The following DSTN variants were observed in gnomAD, a reference collection of about 807,000 sequenced individuals.
DSTN encodes the protein destrin.
Under a neutral mutation model 16.8 loss-of-function variants are expected in DSTN, and 10 were observed. The observed-to-expected ratio is 0.60, with a 90% CI of 0.37 to 1.01. The LOEUF (loss-of-function observed/expected upper bound fraction) is 1.01, where lower values mean the gene tolerates loss of function less well. Among genes scored for constraint, DSTN ranks in the 50% least tolerant of loss-of-function variants. DSTN has a pLI of 0.01. For synonymous variants in DSTN, 57 were observed against 58.9 expected (o/e 0.97, Z 0.14); for missense variants, 141 against 196.7 (o/e 0.72, Z 1.69).
rs569966291 is a variant in DSTN, at chr20:17,574,010, G to A, written c.3+3799G>A. On this transcript the variant is annotated intron_variant, in intron 1 of 3. Transcript: ENST00000246069. Reference sequence around the variant, plus strand: ...AAGCCAGGAGTTGGAGACCAGCCTGGACAATATAGTGAGACCTTGTCTGAA... The same window carrying A: ...AAGCCAGGAGTTGGAGACCAGCCTGAACAATATAGTGAGACCTTGTCTGAA... 4.6e-5 allele frequency among the ~76,000 whole-genome samples: 7 copies of A among 151,974 alleles called. 1 individual carries two copies. The South Asian group carries it at 1.5e-3, about 32-fold the overall frequency.
intron 1 of DSTN, among the ~76,000 whole-genome samples, chr20:17,570,716 C>T (rs1407041513): frequency 1.3e-5 from 2 of 152,204 alleles, no homozygotes; most frequent in African/African-American, 4.8e-5. Context: ...GAAGATAAAG[C>T]CTTTATGGAA....
rs1161453432 is a variant in DSTN, at chr20:17,600,825, A to G, written c.91A>G (p.Lys31Glu). The change falls in exon 2 of 4, where the codon AAA becomes GAA. Residue 31 changes from lysine to glutamate, a missense_variant. Transcript: ENST00000246069. ...ATGCTCCACACCAGAAGAAATCAAG[A>G]AAAGAAAGAAGGCTGTCATTTTTTG... ...RKCSTPEEIK[K>E]RKKAVIFCLS... is the part of the protein sequence containing the mutation. 6.2e-7 allele frequency: 1 copy of G among 1,613,744 alleles called. No homozygotes were observed. Among genetic ancestry groups the G allele is most frequent in the African/African-American group, 1.3e-5 (1 of 74,904 alleles).
chr20:17,577,985 A>G (rs1312860024), intron 1 of DSTN, among the ~76,000 whole-genome samples: 1 of 152,250 alleles, frequency 6.6e-6, no homozygotes, highest in African/African-American at 2.4e-5. Context: ...CAGTCACACT[A>G]GCCACATTTA....
intron 1 of DSTN, chr20:17,596,709 A>G: frequency 2.0e-6 from 2 of 985,450 alleles, no homozygotes; most frequent in Non-Finnish European, 2.4e-6. Flanking sequence ...CAAGTGTCTA[A>G]TGGTATAAGA....
chr20:17,583,864 A>C (rs1600703049), intron 1 of DSTN, among the ~76,000 whole-genome samples: 2 of 147,136 alleles, frequency 1.4e-5, no homozygotes, highest in East Asian at 4.1e-4. Context: ...AGCCTCCTGA[A>C]TAGCTGGAAC....
chr20:17,607,380 T>TA lies in DSTN; in HGVS notation c.*234_*235insA. On this transcript the variant is annotated 3_prime_UTR_variant, in exon 4 of 4. Coordinates refer to ENST00000246069, the MANE Select transcript of DSTN (RefSeq NM_006870.4). ...CAAATGCCTGTTTTGATGAGTTGAT[T>TA]TATAAAGATTTTTGTTAAGCTCAGG... The TA allele has an allele frequency of 2.5e-6, 1 of 402,974 alleles. No individual in the cohort carries two copies. The highest frequency in any genetic ancestry group is 4.4e-6 in the Non-Finnish European group (1 of 227,900). 25.0% of individuals were successfully genotyped at this position (402,974 alleles called of 1,614,324 possible). A position where few individuals can be genotyped will look rare whatever the true frequency, so the allele number is the denominator to read the frequency against.
intron 1 of DSTN, among the ~76,000 whole-genome samples, chr20:17,582,778 A>AC (rs1427096483): frequency 2.6e-5 from 4 of 152,346 alleles, no homozygotes; most frequent in African/African-American, 7.2e-5. Flanking sequence ...ATCTCTGTGA[A>AC]CTTGTGTTAG....
At chr20:17,587,852 T>C (rs1330268588) in intron 1 of DSTN, among the ~76,000 whole-genome samples, 1 of 152,254 alleles carries the variant, frequency 6.6e-6, no homozygotes, top group Non-Finnish European at 1.5e-5. Flanking sequence ...TATGTGTTAC[T>C]TTATATCAAA....
At chr20:17,594,496 T>G (rs1293531616) in intron 1 of DSTN, among the ~76,000 whole-genome samples, 1 of 152,158 alleles carries the variant, frequency 6.6e-6, no homozygotes, top group Non-Finnish European at 1.5e-5. Flanking sequence ...CTGTATTTAG[T>G]GTATTTAAAG....
chr20:17,602,933 T>C lies in DSTN; in HGVS notation c.312-1622T>C, dbSNP rs146677019. Among the ~76,000 whole-genome samples, 112 of 152,260 alleles carry C rather than the reference T, an allele frequency of 7.4e-4. 1 individual carries two copies. Among genetic ancestry groups the C allele is most frequent in the African/African-American group, 2.4e-3 (101 of 41,550 alleles). ...TACTCGGGAGGCTGAGGCAGGAGAA[T>C]CGCTTGAATCTGGGAGGCAGAGGTT... On this transcript the variant is annotated intron_variant, in intron 2 of 3. Transcript: ENST00000246069.
chr20:17,589,115 G>T (rs538334309), intron 1 of DSTN, among the ~76,000 whole-genome samples: 7 of 151,926 alleles, frequency 4.6e-5, no homozygotes, highest in Admixed American at 2.6e-4. Flanking sequence ...TCTTCTTGTC[G>T]TGGTGGACTT....
At chr20:17,587,740 A>C (rs991336930) in intron 1 of DSTN, among the ~76,000 whole-genome samples, 40 of 152,246 alleles carry the variant, frequency 2.6e-4, no homozygotes, top group African/African-American at 9.6e-4. Context: ...GGCATCAATC[A>C]AGCTAAATAA....
intron 1 of DSTN, among the ~76,000 whole-genome samples, chr20:17,585,694 A>G (rs560085550): frequency 7.3e-4 from 111 of 152,274 alleles, no homozygotes; most frequent in Non-Finnish European, 1.2e-3. Context: ...TAGTTGTGTA[A>G]CTACAGCCAC....
intron 1 of DSTN, among the ~76,000 whole-genome samples, chr20:17,589,658 C>T (rs73258678): frequency 0.071 from 10,733 of 152,238 alleles, 622 homozygotes; most frequent in African/African-American, 0.15. Flanking sequence ...AATATTTTGT[C>T]ATTAGTCATT....
Position 17,590,894 on chromosome 20 carries a change from G to A in DSTN, c.4-9844G>A, listed in dbSNP as rs2035461652. 4.6e-5 allele frequency among the ~76,000 whole-genome samples: 7 copies of A among 152,160 alleles called. No homozygotes were observed. In the South Asian group the frequency reaches 1.4e-3, roughly 32 times the overall value. Reference sequence around the variant, plus strand: ...AGCTGAGGCAGGAGGATCACTTGAGGCCAGGAGTTCGAGACCAGCCTGGGC... The same window carrying A: ...AGCTGAGGCAGGAGGATCACTTGAGACCAGGAGTTCGAGACCAGCCTGGGC... On this transcript the variant is annotated intron_variant, in intron 1 of 3. Coordinates refer to ENST00000246069, the MANE Select transcript of DSTN (RefSeq NM_006870.4).
chr20:17,583,219 G>C lies in DSTN; in HGVS notation c.3+13008G>C, dbSNP rs74438057. ...AAATGTTGGCCAGGCTATGAAGTTG[G>C]AGCACCCATACATTGCTGGTGAGAA... On this transcript the variant is annotated intron_variant, in intron 1 of 3. Coordinates refer to ENST00000246069, the MANE Select transcript of DSTN (RefSeq NM_006870.4). 8.3e-3 allele frequency among the ~76,000 whole-genome samples: 1,270 copies of C among 152,284 alleles called. 17 individuals are homozygous for C. Among genetic ancestry groups the C allele is most frequent in the African/African-American group, 0.029 (1,217 of 41,548 alleles).
chr20:17,598,392 G>T (rs180728017), intron 1 of DSTN, among the ~76,000 whole-genome samples: 1 of 152,212 alleles, frequency 6.6e-6, no homozygotes, highest in Non-Finnish European at 1.5e-5. Flanking sequence ...CTCCTAGTGG[G>T]TGACTCATTA....
At chr20:17,603,958 G>A (rs1267803196) in intron 2 of DSTN, among the ~76,000 whole-genome samples, 2 of 152,178 alleles carry the variant, frequency 1.3e-5, no homozygotes, top group African/African-American at 4.8e-5. Flanking sequence ...AGGGACTGGG[G>A]AAGTCTAAGA....
chr20:17,601,258 CG>C (rs1432443614), intron 2 of DSTN, among the ~76,000 whole-genome samples: 2 of 130,626 alleles, frequency 1.5e-5, no homozygotes, highest in Admixed American at 7.6e-5. Flanking sequence ...TGTGACTCTC[CG>C]TTTTTGTTTT....
Sources: gnomAD v4.1 joint callset for allele counts (sites outside exome capture counted in the v4.1 genomes callset) on GRCh38, gnomAD v4.1.1 for gene constraint, MANE v1.5 for transcripts, NCBI Gene and HGNC (gene_info 2026-07-23, HGNC 2026-07-21) for gene names.